Variants in PNPLA7 observed in about 807,000 individuals in gnomAD.
PNPLA7 encodes the protein patatin-like phospholipase domain-containing protein 7.
Under a neutral mutation model 161.7 loss-of-function variants are expected in PNPLA7, and 153 were observed. The ratio of observed to expected loss-of-function variants is 0.95; its 90% CI spans 0.83 to 1.08. The LOEUF is 1.08. PNPLA7 is among the 50% of genes least tolerant of loss of function. PNPLA7 has a pLI of 0.00. For synonymous variants in PNPLA7, 809 were observed against 782.1 expected (o/e 1.03, Z -0.57); for missense variants, 1,739 against 1,856.6 (o/e 0.94, Z 1.16).
chr9:137,491,773 G>A (rs973501551), intron 20 of PNPLA7: 2 of 985,430 alleles, frequency 2.0e-6, no homozygotes. Flanking sequence ...GTCACTGTGT[G>A]AACACAGACG....
At chr9:137,462,511 C>G (rs113253090) in intron 30 of PNPLA7, 174 bp downstream of exon 30, 8 of 1,384,456 alleles carry the variant, frequency 5.8e-6, no homozygotes, top group Non-Finnish European at 3.8e-6. Flanking sequence ...TCAGGCCCGT[C>G]CGGCCTCGTG....
rs746821963 is a variant in PNPLA7 at position 137,462,715 on chromosome 9, T to C, written c.3462A>G (p.Lys1154=). The part of the protein sequence containing the change: ...DALSGWWLLW[K]RWNPLATKVK... ...CTTTCGTGGCCAAGGGGTTCCAGCGTTTCCACAGCAGCCACCACCCAGACA... is the reference window on the plus strand; with the variant it reads ...CTTTCGTGGCCAAGGGGTTCCAGCGCTTCCACAGCAGCCACCACCCAGACA... Residue 1154 remains lysine, a synonymous_variant, in exon 30 of 35, where the codon AAA becomes AAG. Coordinates refer to ENST00000406427, the MANE Select transcript of PNPLA7 (RefSeq NM_001098537.3). 6.2e-7 allele frequency: 1 copy of C among 1,613,774 alleles called. No homozygotes were observed. The highest frequency in any genetic ancestry group is 1.1e-5 in the South Asian group (1 of 91,074).
Position 137,542,787 on chromosome 9 carries a change from A to G in PNPLA7, c.521T>C (p.Phe174Ser). Residue 174 changes from phenylalanine to serine, a missense_variant, in exon 7 of 35, where the codon TTT (phenylalanine) becomes TCT (serine). By Grantham distance (155) the Phe-to-Ser change is radical (BLOSUM62 -2). Coordinates refer to ENST00000406427, the MANE Select transcript of PNPLA7 (RefSeq NM_001098537.3). Reference protein sequence around the residue: ...MLKNVRVLGHFEKPLFLELCK... With the variant: ...MLKNVRVLGHSEKPLFLELCK... ...AAGCTCCAGGAACAGCGGCTTCTCAAAGTGGCCCAGGACCCTGCAAGAGCC... is the reference window on the plus strand; with the variant it reads ...AAGCTCCAGGAACAGCGGCTTCTCAGAGTGGCCCAGGACCCTGCAAGAGCC... 1.2e-6 allele frequency: 2 copies of G among 1,613,338 alleles called. No homozygotes were observed. The highest frequency in any genetic ancestry group is 1.7e-6 in the Non-Finnish European group (2 of 1,179,732).
At chr9:137,489,393 G>C (rs1350192562) in intron 20 of PNPLA7, among the ~76,000 whole-genome samples, 1 of 152,208 alleles carries the variant, frequency 6.6e-6, no homozygotes, top group Non-Finnish European at 1.5e-5. Flanking sequence ...ATGGGAACCA[G>C]AGTCTCATAG....
At chr9:137,504,063 AAAGAAGAAGGAAGAAGAAGAAGG>A (rs1833762459) in intron 14 of PNPLA7, among the ~76,000 whole-genome samples, 2 of 131,812 alleles carry the variant, frequency 1.5e-5, no homozygotes, top group South Asian at 2.5e-4. Flanking sequence ...GAAGAAGAAG[AAAGAAGAAGGAAGAAGAAGAAGG>A]AAGAAGAAGG....
At chr9:137,498,387 G>T (rs976478613) in intron 16 of PNPLA7, 142 bp from the exon 17 acceptor site, 21 of 1,269,492 alleles carry the variant, frequency 1.7e-5, no homozygotes, top group Non-Finnish European at 2.3e-5. Context: ...GGCTGGGACG[G>T]GGCACGCACC....
intron 1 of PNPLA7, among the ~76,000 whole-genome samples, chr9:137,549,088 G>A (rs993809442): frequency 5.3e-5 from 8 of 152,232 alleles, no homozygotes; most frequent in African/African-American, 9.6e-5. Flanking sequence ...GCGGTGGAGC[G>A]GCTCAGCCTT....
At chr9:137,529,284 T>C (rs1485663773) in intron 8 of PNPLA7, among the ~76,000 whole-genome samples, 1 of 152,060 alleles carries the variant, frequency 6.6e-6, no homozygotes, top group African/African-American at 2.4e-5. Context: ...TGTGAGTCAC[T>C]TCGCCCAGGC....
Position 137,495,102 on chromosome 9 carries a change from G to A in PNPLA7, c.2058C>T (p.Ala686=), listed in dbSNP as rs757572092. ...THQARATTVH[A]VRDSELAKLP... is the part of the protein sequence containing the mutation. Reference sequence around the variant, plus strand: ...GCTTGGCCAATTCTGAGTCCCGAACGGCATGCACCGTGGTCGCCCGGGCCT... The same window carrying A: ...GCTTGGCCAATTCTGAGTCCCGAACAGCATGCACCGTGGTCGCCCGGGCCT... The change falls in exon 19 of 35, where the codon GCC becomes GCT. Residue 686 remains alanine (A), a synonymous_variant. Coordinates refer to ENST00000406427, the MANE Select transcript of PNPLA7 (RefSeq NM_001098537.3). The A allele has an allele frequency of 2.4e-5, 38 of 1,608,272 alleles. No homozygotes were observed. Among genetic ancestry groups the A allele is most frequent in the East Asian group, 1.6e-4 (7 of 44,844 alleles).
intron 25 of PNPLA7, among the ~76,000 whole-genome samples, chr9:137,474,967 G>T (rs1831875066): frequency 8.7e-6 from 1 of 114,496 alleles, no homozygotes; most frequent in Non-Finnish European, 1.6e-5. Flanking sequence ...CTTGCAGGGA[G>T]CCGAGCCGAG....
rs1836567400 is a variant in PNPLA7, at chr9:137,547,011, T to C, written c.194-102A>G. The C allele has an allele frequency of 9.1e-7, 1 of 1,103,622 alleles. No homozygotes were observed. Among genetic ancestry groups the C allele is most frequent in the Admixed American group, 1.9e-5 (1 of 51,648 alleles). The allele number at this position is 1,103,622 out of a possible 1,614,324, so 68.4% of individuals were successfully genotyped here. On this transcript the variant is annotated intron_variant, in intron 3 of 34. Transcript: ENST00000406427. The surrounding 1 kb of genome is among the most constrained non-coding windows in gnomAD (Gnocchi z 4.6). ...TCAGTCATACTCTCGTCCCTGCCAG[T>C]AACTGGCCATACTCAGACAGCATGA...
chr9:137,463,249 G>A (rs1382253497), intron 29 of PNPLA7, 166 bp downstream of exon 29: 2 of 658,266 alleles, frequency 3.0e-6, no homozygotes, highest in East Asian at 2.7e-5. Flanking sequence ...GCGTGTGCAT[G>A]TTCTCGGAGC....
intron 16 of PNPLA7, 113 bp from the exon 17 acceptor site, chr9:137,498,358 T>C: frequency 6.8e-7 from 1 of 1,466,350 alleles, no homozygotes; most frequent in Non-Finnish European, 9.2e-7. Context: ...ACCCGGAAAG[T>C]AGAGAGACCA....
intron 8 of PNPLA7, among the ~76,000 whole-genome samples, chr9:137,527,611 A>G (rs1835368330): frequency 6.6e-6 from 1 of 152,232 alleles, no homozygotes; most frequent in Non-Finnish European, 1.5e-5. Flanking sequence ...CCCACTGATC[A>G]TGATGTATTA....
chr9:137,520,281 G>A lies in PNPLA7; in HGVS notation c.958-238C>T, dbSNP rs1834919313. Among the ~76,000 whole-genome samples, 1 of 152,144 alleles carries A rather than the reference G, an allele frequency of 6.6e-6. No individual in the cohort carries two copies. The highest frequency in any genetic ancestry group is 2.1e-4 in the South Asian group (1 of 4,824). ...TAAGCTACATTTCAGGCAATGGAAA[G>A]AGGCCGATCATCAACCCAGAAATCC... On this transcript the variant is annotated intron_variant, in intron 10 of 34. Coordinates refer to ENST00000406427, the MANE Select transcript of PNPLA7 (RefSeq NM_001098537.3). The surrounding 1 kb of genome is among the most constrained non-coding windows in gnomAD (Gnocchi z 5.2).
chr9:137,505,187 C>CA (rs1030910942), intron 14 of PNPLA7, among the ~76,000 whole-genome samples: 2,364 of 56,822 alleles, frequency 0.042, 413 homozygotes, highest in African/African-American at 0.15. Flanking sequence ...GACTCTGTCT[C>CA]AAAAAAAAAA....
chr9:137,479,589 C>T (rs1832107783), intron 23 of PNPLA7: 4 of 985,444 alleles, frequency 4.1e-6, no homozygotes, highest in Non-Finnish European at 4.8e-6. Flanking sequence ...CAGGAACATA[C>T]ATCAGAGAGG....
At chr9:137,530,017 T>G (rs908884766) in intron 8 of PNPLA7, among the ~76,000 whole-genome samples, 3 of 151,526 alleles carry the variant, frequency 2.0e-5, no homozygotes, top group Non-Finnish European at 2.9e-5. Context: ...CAGGCTGTGG[T>G]GCAGTGGCAT....
intron 14 of PNPLA7, among the ~76,000 whole-genome samples, chr9:137,502,459 CAA>C (rs1297469902): frequency 6.7e-6 from 1 of 149,792 alleles, no homozygotes; most frequent in African/African-American, 2.5e-5. Flanking sequence ...CACATGTCGC[CAA>C]AAGTTTGTCA....
Sources: gnomAD v4.1 joint callset for allele counts (sites outside exome capture counted in the v4.1 genomes callset) on GRCh38, gnomAD v4.1.1 for gene constraint, Gnocchi (gnomAD v3.1) non-coding constraint, MANE v1.5 for transcripts, NCBI Gene and HGNC (gene_info 2026-07-23, HGNC 2026-07-21) for gene names.